The following PCDH11X variants were observed in gnomAD, a reference collection of about 807,000 sequenced individuals.
PCDH11X encodes the protein protocadherin-11 X-linked.
PCDH11X carries 18 observed loss-of-function variants against 53.3 expected under a neutral mutation model. The observed-to-expected ratio is 0.34, with a 90% CI of 0.23 to 0.50. PCDH11X has a LOEUF of 0.50. PCDH11X is among the 20% of genes least tolerant of loss of function. PCDH11X has a pLI of 0.98. For synonymous variants in PCDH11X, 279 were observed against 393.3 expected, an observed-to-expected ratio of 0.71 and a Z score of 3.44; for missense variants, 570 against 1,032.4, an observed-to-expected ratio of 0.55 and a Z score of 6.14.
intron 6 of PCDH11X, among the ~76,000 whole-genome samples, chrX:92,133,756 G>A (rs1436952764): frequency 8.9e-6 from 1 of 112,393 alleles, no homozygotes; most frequent in Non-Finnish European, 1.9e-5. Flanking sequence ...ACTATTTCAA[G>A]AGGGAAACAA....
intron 6 of PCDH11X, among the ~76,000 whole-genome samples, chrX:92,078,695 T>C (rs1279419371): frequency 1.8e-5 from 2 of 110,769 alleles, no homozygotes; most frequent in African/African-American, 6.6e-5. Context: ...TTTCTAAGCC[T>C]ACTTGCCAGG....
intron 1 of PCDH11X, among the ~76,000 whole-genome samples, chrX:91,786,637 A>T (rs1255758093): frequency 4.6e-4 from 42 of 90,568 alleles, no homozygotes; most frequent in African/African-American, 1.5e-3. Flanking sequence ...TATATCATTT[A>T]AAAAGTTATA....
chrX:92,079,862 A>C (rs776864204), intron 6 of PCDH11X, among the ~76,000 whole-genome samples: 1 of 111,902 alleles, frequency 8.9e-6, no homozygotes, highest in South Asian at 3.7e-4. Flanking sequence ...GCGATTTCCC[A>C]AAGGATGTTG....
intron 8 of PCDH11X, among the ~76,000 whole-genome samples, chrX:92,277,684 G>C (rs1266401338): frequency 1.8e-5 from 2 of 109,420 alleles, no homozygotes; most frequent in African/African-American, 6.7e-5. Flanking sequence ...ATGGAAATAA[G>C]GGGTCAGGGC....
At chrX:92,036,442 T>C (rs1391734304) in intron 6 of PCDH11X, among the ~76,000 whole-genome samples, 1 of 109,150 alleles carries the variant, frequency 9.2e-6, no homozygotes, top group Non-Finnish European at 1.9e-5. Flanking sequence ...CTCATGATTG[T>C]GAATAGTCTT....
chrX:92,168,870 G>A (rs1372968163), intron 6 of PCDH11X, among the ~76,000 whole-genome samples: 1 of 111,398 alleles, frequency 9.0e-6, no homozygotes, highest in African/African-American at 3.3e-5. Context: ...CCATTATAAG[G>A]TCTGCTTTGG....
intron 6 of PCDH11X, among the ~76,000 whole-genome samples, chrX:92,132,520 A>G (rs188858756): frequency 0.033 from 3,358 of 102,237 alleles, 150 homozygotes; most frequent in African/African-American, 0.11. Context: ...AGGCAGGAGA[A>G]TCGCTTGAAC....
rs1005837491 is a variant in PCDH11X, at chrX:92,128,995, CAATT to C, written c.3034-72377_3034-72374del. Among the ~76,000 whole-genome samples the C allele has an allele frequency of 6.3e-4, 69 of 109,113 alleles. 1 individual carries two copies. The highest frequency in any genetic ancestry group is 2.4e-3 in the African/African-American group (68 of 28,782). 94.8% of individuals were successfully genotyped at this position (109,113 alleles called of 115,157 possible). Reference sequence around the variant, plus strand: ...ATATATCAAGAAAATAAATAAATAACAATTAAGAATTCTTATTTTTATTCAGTTT... The same window carrying C: ...ATATATCAAGAAAATAAATAAATAACAAGAATTCTTATTTTTATTCAGTTT... On this transcript the variant is annotated intron_variant, in intron 6 of 10. Coordinates refer to ENST00000682573, the MANE Select transcript of PCDH11X (RefSeq NM_032968.5).
At chrX:91,953,887 A>G (rs1372324064) in intron 6 of PCDH11X, among the ~76,000 whole-genome samples, 1 of 110,127 alleles carries the variant, frequency 9.1e-6, no homozygotes, top group East Asian at 2.8e-4. Flanking sequence ...TATTATATGC[A>G]CAAATGACAA....
intron 4 of PCDH11X, among the ~76,000 whole-genome samples, chrX:91,813,628 CAT>C (rs1279670769): frequency 9.4e-6 from 1 of 106,768 alleles, no homozygotes; most frequent in East Asian, 2.8e-4. Flanking sequence ...AGGTAATAAA[CAT>C]AGTTTTTTTG....
intron 6 of PCDH11X, among the ~76,000 whole-genome samples, chrX:92,090,683 A>C (rs2148118160): frequency 9.0e-6 from 1 of 110,679 alleles, no homozygotes; most frequent in African/African-American, 3.3e-5. Context: ...AGAACCCTTA[A>C]GTAGGAAATA....
chrX:92,445,802 T>C (rs180911544), intron 9 of PCDH11X, among the ~76,000 whole-genome samples: 2 of 110,858 alleles, frequency 1.8e-5, no homozygotes, highest in Admixed American at 1.9e-4. Context: ...TAAGATACAC[T>C]GCTGAAAAAA....
intron 10 of PCDH11X, among the ~76,000 whole-genome samples, chrX:92,607,483 G>T (rs1331324203): frequency 9.0e-6 from 1 of 111,442 alleles, no homozygotes; most frequent in South Asian, 3.7e-4. Context: ...GACGGGAAAT[G>T]GGCAGTGGCT....
chrX:92,158,721 C>T (rs750194433), intron 6 of PCDH11X, among the ~76,000 whole-genome samples: 17 of 109,925 alleles, frequency 1.5e-4, no homozygotes, highest in African/African-American at 4.9e-4. Flanking sequence ...CTGAAACCTC[C>T]GCCTCCTAGG....
At chrX:92,196,550 G>T (rs901936686) in intron 6 of PCDH11X, among the ~76,000 whole-genome samples, 1 of 110,923 alleles carries the variant, frequency 9.0e-6, no homozygotes, top group Non-Finnish European at 1.9e-5. Flanking sequence ...TGCCTTACCC[G>T]TTCCCAGCAC....
chrX:91,984,256 A>G (rs2062193967), intron 6 of PCDH11X, among the ~76,000 whole-genome samples: 1 of 100,937 alleles, frequency 9.9e-6, no homozygotes, highest in Non-Finnish European at 2.0e-5. Flanking sequence ...ATATTCTGCT[A>G]GCTTTTAGTT....
intron 6 of PCDH11X, among the ~76,000 whole-genome samples, chrX:92,054,830 A>G (rs1485979303): frequency 9.3e-6 from 1 of 107,001 alleles, no homozygotes; most frequent in African/African-American, 3.4e-5. Context: ...CAAAAAAAAA[A>G]AAAAAAAAAA....
At chrX:92,052,535 C>A (rs1461332626) in intron 6 of PCDH11X, among the ~76,000 whole-genome samples, 1 of 62,844 alleles carries the variant, frequency 1.6e-5, no homozygotes, top group African/African-American at 6.2e-5. Context: ...TTATCTAATT[C>A]ATTTTCTCTC....
At chrX:92,008,651 G>T (rs1314121374) in intron 6 of PCDH11X, among the ~76,000 whole-genome samples, 1 of 107,539 alleles carries the variant, frequency 9.3e-6, no homozygotes, top group Non-Finnish European at 1.9e-5. Flanking sequence ...TTCCTGTATA[G>T]ATAGTTGTTA....
Sources: gnomAD v4.1 joint callset for allele counts (sites outside exome capture counted in the v4.1 genomes callset) on GRCh38, gnomAD v4.1.1 for gene constraint, MANE v1.5 for transcripts, NCBI Gene and HGNC (gene_info 2026-07-23, HGNC 2026-07-21) for gene names.